PPP2R5C: variants seen among roughly 807,000 people sequenced by gnomAD.
PPP2R5C encodes protein phosphatase 2 regulatory subunit B'gamma.
In PPP2R5C, 7 loss-of-function variants were observed where a neutral mutation model predicts 68.9. The observed-to-expected ratio is 0.10, with a 90% CI of 0.06 to 0.19. PPP2R5C has a LOEUF of 0.19. Among genes scored for constraint, PPP2R5C ranks in the 10% least tolerant of loss-of-function variants. PPP2R5C has a pLI of 1.00. For missense variants in PPP2R5C, 348 were observed against 641.3 expected (o/e 0.54, Z 4.94); for synonymous variants, 210 against 222.2 (o/e 0.95, Z 0.49).
Position 101,917,390 on chromosome 14 carries a change from A to T in PPP2R5C, c.1327-441A>T, listed in dbSNP as rs1231322249. 6.6e-6 allele frequency among the ~76,000 whole-genome samples: 1 copy of T among 152,044 alleles called. No individual in the cohort carries two copies. Among genetic ancestry groups the T allele is most frequent in the East Asian group, 1.9e-4 (1 of 5,180 alleles). On this transcript the variant is annotated intron_variant, in intron 12 of 13. Coordinates refer to ENST00000334743, the Ensembl canonical transcript of PPP2R5C. The surrounding 1 kb of genome is among the most constrained non-coding windows in gnomAD (Gnocchi z 4.4). ...CCGTGCCAGCTGTCTCGATGAGAGG[A>T]CATGATCGTGAGAGGAAAGGGAAAA...
At position 101,917,747 on chromosome 14, in the gene PPP2R5C, G is replaced by A. The variant is rs778841918; in HGVS notation, c.1327-84G>A. ...GGAGAGGGCCCTGGGGGGCGGCAGG[G>A]GAGATGAGTCCCTAGCCAGGATGAG... On this transcript the variant is annotated intron_variant, in intron 12 of 13. Coordinates refer to ENST00000334743, the Ensembl canonical transcript of PPP2R5C. This position sits in a 1 kb window ranked among gnomAD's most constrained non-coding sequence, Gnocchi z 4.4. 1.6e-5 allele frequency: 25 copies of A among 1,582,476 alleles called. No individual in the cohort carries two copies. In the South Asian group the frequency reaches 2.8e-4, roughly 18 times the overall value.
At chr14:101,826,876 T>G (rs2140307433) in intron 1 of PPP2R5C, among the ~76,000 whole-genome samples, 1 of 152,246 alleles carries the variant, frequency 6.6e-6, no homozygotes, top group African/African-American at 2.4e-5. Context: ...CTAAAATGTT[T>G]AAGTTTCTGA....
chr14:101,884,300 G>A (rs939081867), intron 5 of PPP2R5C, among the ~76,000 whole-genome samples: 23 of 152,278 alleles, frequency 1.5e-4, no homozygotes, highest in African/African-American at 4.3e-4. Flanking sequence ...ATGGGTCTGC[G>A]TCTCCCAGTC....
chr14:101,834,423 G>A (rs555884911), intron 1 of PPP2R5C, among the ~76,000 whole-genome samples: 1 of 152,210 alleles, frequency 6.6e-6, no homozygotes, highest in African/African-American at 2.4e-5. Flanking sequence ...CCTTGATGTG[G>A]CGTCTCAGTA....
chr14:101,922,695 G>A (rs1308911039), intron 13 of PPP2R5C, among the ~76,000 whole-genome samples: 4 of 151,560 alleles, frequency 2.6e-5, no homozygotes, highest in African/African-American at 9.7e-5. Context: ...GTGCGTGCCT[G>A]TAGTCCTAGC....
rs796822556 is a variant in PPP2R5C, at chr14:101,835,489, T to C, written c.95-21197T>C. On this transcript the variant is annotated intron_variant, in intron 1 of 13. Transcript: ENST00000334743. The surrounding 1 kb of genome is among the most constrained non-coding windows in gnomAD (Gnocchi z 5.0). ...TTAAGGTAGTGTCCCAGACGTTTGT[T>C]CAGAGGGCTCCTTCCCACTTGTCAT... 2.6e-4 allele frequency among the ~76,000 whole-genome samples: 40 copies of C among 152,338 alleles called. No individual in the cohort carries two copies. Among genetic ancestry groups the C allele is most frequent in the African/African-American group, 9.4e-4 (39 of 41,576 alleles).
intron 1 of PPP2R5C, chr14:101,843,782 A>G (rs1566897427): frequency 4.5e-6 from 1 of 223,796 alleles, no homozygotes; most frequent in South Asian, 7.0e-5. Flanking sequence ...CCTTGCTGCC[A>G]CCTCCAGGGG....
At chr14:101,892,777 G>C (rs959885683) in intron 6 of PPP2R5C, among the ~76,000 whole-genome samples, 32 of 152,082 alleles carry the variant, frequency 2.1e-4, no homozygotes, top group Admixed American at 7.2e-4. Flanking sequence ...GCTCTTCACA[G>C]GTGTGATTAT....
intron 2 of PPP2R5C, among the ~76,000 whole-genome samples, chr14:101,868,502 A>G (rs920190980): frequency 2.0e-5 from 3 of 152,214 alleles, no homozygotes; most frequent in African/African-American, 7.2e-5. Flanking sequence ...GGCTGCTGAG[A>G]AACTTTTGGG....
At chr14:101,808,094 G>T (rs2039145997), upstream of PPP2R5C, among the ~76,000 whole-genome samples, 1 of 150,890 alleles carries the variant, frequency 6.6e-6, no homozygotes, top group Admixed American at 6.6e-5. Context: ...TCACTCAGAG[G>T]AGGAGGAGGA....
chr14:101,764,748 TCATTTCGATG>T (rs1295420246), intron 2 of PPP2R5C, among the ~76,000 whole-genome samples: 3 of 152,062 alleles, frequency 2.0e-5, no homozygotes, highest in Non-Finnish European at 2.9e-5. Context: ...TTGACTAAAT[TCATTTCGATG>T]AAGATGAAAT....
At chr14:101,804,731 T>G (rs1410547482) in intron 3 of PPP2R5C, among the ~76,000 whole-genome samples, 1 of 151,382 alleles carries the variant, frequency 6.6e-6, no homozygotes, top group African/African-American at 2.4e-5. Context: ...AGGGTAGTAG[T>G]GGGGGTTGGC....
chr14:101,900,338 A>G (rs2045604511), intron 8 of PPP2R5C, among the ~76,000 whole-genome samples: 1 of 152,244 alleles, frequency 6.6e-6, no homozygotes. Context: ...TAATGACTAA[A>G]AGGCTGGCCT....
chr14:101,813,331 T>C (rs1259918356), intron 1 of PPP2R5C, among the ~76,000 whole-genome samples: 1 of 152,244 alleles, frequency 6.6e-6, no homozygotes, highest in Non-Finnish European at 1.5e-5. Flanking sequence ...CCATAGACAG[T>C]AAATGAATAG....
upstream of PPP2R5C, among the ~76,000 whole-genome samples, chr14:101,806,349 A>G (rs958592120): frequency 1.3e-5 from 2 of 151,944 alleles, no homozygotes; most frequent in East Asian, 1.9e-4. Context: ...TCTCAGTGAA[A>G]TCATTTAGTG....
At chr14:101,910,187 A>G (rs1288143523) in intron 11 of PPP2R5C, among the ~76,000 whole-genome samples, 4 of 152,204 alleles carry the variant, frequency 2.6e-5, no homozygotes, top group African/African-American at 4.8e-5. Context: ...CTTTGAGCCC[A>G]CATGTGTCCA....
At chr14:101,798,751 C>T (rs1464069938) in intron 3 of PPP2R5C, among the ~76,000 whole-genome samples, 1 of 152,238 alleles carries the variant, frequency 6.6e-6, no homozygotes, top group Non-Finnish European at 1.5e-5. Context: ...AAGCGCCCTT[C>T]CTTGGTCCTT....
At chr14:101,786,311 G>C in intron 3 of PPP2R5C, 128 bp downstream of exon 3, 2 of 836,464 alleles carry the variant, frequency 2.4e-6, no homozygotes, top group Non-Finnish European at 3.5e-6. Context: ...CTGTATTGAG[G>C]GGTTTTTTTT....
At chr14:101,852,840 TC>T (rs1364437630) in intron 1 of PPP2R5C, among the ~76,000 whole-genome samples, 9 of 152,124 alleles carry the variant, frequency 5.9e-5, no homozygotes, top group Non-Finnish European at 8.8e-5. Context: ...TCTCCTCTTC[TC>T]CTACGGGTTT....
Sources: allele counts gnomAD v4.1 joint callset (sites outside exome capture counted in the v4.1 genomes callset), GRCh38; gene constraint gnomAD v4.1.1; non-coding constraint Gnocchi (gnomAD v3.1); transcripts MANE v1.5; gene names NCBI Gene and HGNC (gene_info 2026-07-23, HGNC 2026-07-21).